Variants in EPHA3 observed in about 807,000 individuals in gnomAD.
EPHA3 encodes the protein EPH receptor A3, also known as ephrin type-A receptor 3.
Under a neutral mutation model 107.1 loss-of-function variants are expected in EPHA3, and 42 were observed. That is an observed-to-expected ratio of 0.39 (90% CI 0.31 to 0.51). The LOEUF is 0.51. Among genes scored for constraint, EPHA3 ranks in the 20% least tolerant of loss-of-function variants. The pLI is 0.78. For missense variants in EPHA3, 1,183 were observed against 1,211.2 expected (o/e 0.98, Z 0.35); for synonymous variants, 461 against 424.8 (o/e 1.09, Z -1.05).
chr3:89,362,005 G>A (rs1265189867), intron 5 of EPHA3, among the ~76,000 whole-genome samples: 3 of 150,986 alleles, frequency 2.0e-5, no homozygotes, highest in African/African-American at 7.3e-5. Flanking sequence ...ACCCCCTCAA[G>A]GTCCTGATTA....
At chr3:89,400,059 A>C (rs1428539125) in intron 7 of EPHA3, 3 of 1,031,668 alleles carry the variant, frequency 2.9e-6, no homozygotes, top group Non-Finnish European at 3.5e-6. Context: ...CTTTTTTTCA[A>C]ATGAATTTTC....
intron 3 of EPHA3, among the ~76,000 whole-genome samples, chr3:89,255,445 T>G (rs1705261007): frequency 6.6e-6 from 1 of 152,238 alleles, no homozygotes; most frequent in African/African-American, 2.4e-5. Context: ...TAAATACAAT[T>G]TTATTGAAAC....
intron 5 of EPHA3, among the ~76,000 whole-genome samples, chr3:89,387,635 T>C (rs1170963277): frequency 6.6e-6 from 1 of 151,618 alleles, no homozygotes; most frequent in Non-Finnish European, 1.5e-5. Flanking sequence ...ACATATATCA[T>C]ATGTATGAAG....
rs534171110 is a variant in EPHA3, at chr3:89,262,828, C to G, written c.814+52308C>G. Among the ~76,000 whole-genome samples, 16 of 152,168 alleles carry G rather than the reference C, an allele frequency of 1.1e-4. 1 individual carries two copies. The South Asian group carries it at 2.9e-3, about 28-fold the overall frequency. On this transcript the variant is annotated intron_variant, in intron 3 of 16. Transcript: ENST00000336596. ...GTTCCACCCACCGTGAGAGGGAGTG[C>G]GCAGGTGAGTGGGTGCAGGAGCCAC...
intron 3 of EPHA3, among the ~76,000 whole-genome samples, chr3:89,238,628 G>A (rs1322950492): frequency 6.6e-6 from 1 of 152,170 alleles, no homozygotes; most frequent in Non-Finnish European, 1.5e-5. Context: ...TGTCATTTAT[G>A]ACGATTTACC....
rs1710596070 is a variant in EPHA3 at position 89,480,156 on chromosome 3, G to A, written c.*654G>A. ...GTACATATTTATTTTCTTTTGAATT[G>A]TTTTTATTGTTTTCTATTTATGCCT... On this transcript the variant is annotated 3_prime_UTR_variant, in exon 17 of 17. Transcript: ENST00000336596. 1 of 232,838 alleles carries A rather than the reference G, an allele frequency of 4.3e-6. No homozygotes were observed. Among genetic ancestry groups the A allele is most frequent in the East Asian group, 6.1e-5 (1 of 16,380 alleles). The allele number at this position is 232,838 out of a possible 1,614,324, so 14.4% of individuals were successfully genotyped here.
At chr3:89,386,328 C>T (rs185508653) in intron 5 of EPHA3, among the ~76,000 whole-genome samples, 56 of 152,266 alleles carry the variant, frequency 3.7e-4, no homozygotes, top group African/African-American at 1.2e-3. Context: ...AGTCCAAGGA[C>T]CCCCTGCTGT....
intron 5 of EPHA3, among the ~76,000 whole-genome samples, chr3:89,352,527 T>C (rs1282962523): frequency 6.6e-6 from 1 of 151,122 alleles, no homozygotes; most frequent in Non-Finnish European, 1.5e-5. Context: ...TTAAGAAAAG[T>C]AAATATCTTT....
intron 13 of EPHA3, among the ~76,000 whole-genome samples, chr3:89,435,024 A>G (rs1440575151): frequency 1.3e-5 from 2 of 152,092 alleles, no homozygotes; most frequent in Non-Finnish European, 2.9e-5. Context: ...ATTGAGTACA[A>G]TAAGTTTATA....
At chr3:89,256,078 CT>C (rs1201787630) in intron 3 of EPHA3, among the ~76,000 whole-genome samples, 2 of 151,432 alleles carry the variant, frequency 1.3e-5, no homozygotes, top group East Asian at 3.9e-4. Flanking sequence ...GGTGAAACCA[CT>C]TCTCTATTTA....
intron 15 of EPHA3, among the ~76,000 whole-genome samples, chr3:89,459,403 CTT>C (rs1173243766): frequency 2.0e-5 from 3 of 151,968 alleles, no homozygotes; most frequent in African/African-American, 2.4e-5. Flanking sequence ...TCTTTCTTCT[CTT>C]TCTCTTCCTC....
chr3:89,277,443 A>C (rs181575019), intron 3 of EPHA3, among the ~76,000 whole-genome samples: 3 of 152,272 alleles, frequency 2.0e-5, no homozygotes, highest in Admixed American at 2.0e-4. Flanking sequence ...TTGAAATTTT[A>C]AAGTCTAAAT....
At chr3:89,431,880 CT>C (rs1709576537) in intron 13 of EPHA3, among the ~76,000 whole-genome samples, 1 of 152,082 alleles carries the variant, frequency 6.6e-6, no homozygotes, top group Non-Finnish European at 1.5e-5. Context: ...TTTCTTCATA[CT>C]CATATGTACA....
chr3:89,318,300 CA>C (rs1290923296), intron 3 of EPHA3, among the ~76,000 whole-genome samples: 3 of 151,834 alleles, frequency 2.0e-5, no homozygotes, highest in African/African-American at 7.2e-5. Context: ...TTTCCTGAGA[CA>C]AAATGTCAAG....
intron 6 of EPHA3, among the ~76,000 whole-genome samples, chr3:89,396,845 C>A (rs952478423): frequency 1.4e-4 from 22 of 152,136 alleles, no homozygotes; most frequent in African/African-American, 5.3e-4. Context: ...TTACTTAAGT[C>A]TGAGCTGTAT....
intron 15 of EPHA3, among the ~76,000 whole-genome samples, chr3:89,457,997 A>G (rs1710133826): frequency 6.6e-6 from 1 of 152,192 alleles, no homozygotes; most frequent in African/African-American, 2.4e-5. Context: ...CTTCTCATTG[A>G]CAGTGGTAGG....
intron 2 of EPHA3, among the ~76,000 whole-genome samples, chr3:89,178,595 C>T (rs1007616153): frequency 2.6e-5 from 4 of 151,912 alleles, no homozygotes; most frequent in Admixed American, 2.6e-4. Context: ...TGGATTGGAG[C>T]AGATATTGTT....
At position 89,195,489 on chromosome 3, in the gene EPHA3, C is replaced by T. The variant is rs1705817733; in HGVS notation, c.154-14371C>T. ...ATAAAATGATGCAATGCCAGAAAGGCCCATTACCTTGAACATAAAATGGTC... is the reference window on the plus strand; with the variant it reads ...ATAAAATGATGCAATGCCAGAAAGGTCCATTACCTTGAACATAAAATGGTC... On this transcript the variant is annotated intron_variant, in intron 2 of 16. Transcript: ENST00000336596. Among the ~76,000 whole-genome samples, 2 of 152,100 alleles carry T rather than the reference C, an allele frequency of 1.3e-5. 1 individual carries two copies. Among genetic ancestry groups the T allele is most frequent in the South Asian group, 4.1e-4 (2 of 4,832 alleles).
At chr3:89,328,755 AAG>A (rs1336793598) in intron 3 of EPHA3, among the ~76,000 whole-genome samples, 1 of 152,154 alleles carries the variant, frequency 6.6e-6, no homozygotes, top group East Asian at 1.9e-4. Context: ...CCTCAGGAAA[AAG>A]AGATAATACC....
Sources: gnomAD v4.1 joint callset for allele counts (sites outside exome capture counted in the v4.1 genomes callset) on GRCh38, gnomAD v4.1.1 for gene constraint, MANE v1.5 for transcripts, NCBI Gene and HGNC (gene_info 2026-07-23, HGNC 2026-07-21) for gene names.